Variants in ZNF681 observed in about 807,000 individuals in gnomAD.
The protein encoded by ZNF681 is zinc finger protein 681.
In ZNF681, 37 loss-of-function variants were observed where a neutral mutation model predicts 56.0. That is an observed-to-expected ratio of 0.66 (90% CI 0.51 to 0.87). The LOEUF is 0.87. ZNF681 is among the 40% of genes least tolerant of loss of function. ZNF681 has a pLI of 0.00. For synonymous variants in ZNF681, 225 were observed against 248.6 expected, an observed-to-expected ratio of 0.91 and a Z score of 0.89; for missense variants, 741 against 744.9, an observed-to-expected ratio of 0.99 and a Z score of 0.06.
chr19:23,753,464 AG>A (rs1333931215), intron 3 of ZNF681, among the ~76,000 whole-genome samples: 1 of 152,306 alleles, frequency 6.6e-6, no homozygotes, highest in African/African-American at 2.4e-5. Flanking sequence ...TCAAAGAGGT[AG>A]AAAATCTTTA....
chr19:23,752,456 A>G (rs1390380506), intron 3 of ZNF681, among the ~76,000 whole-genome samples: 1 of 152,126 alleles, frequency 6.6e-6, no homozygotes, highest in African/African-American at 2.4e-5. Flanking sequence ...ACCTGGAAAA[A>G]TCCTCTCTGA....
chr19:23,741,046 T>C lies in ZNF681; in HGVS notation c.*2566A>G, dbSNP rs1968868951. On this transcript the variant is annotated 3_prime_UTR_variant, in exon 4 of 4. Coordinates refer to ENST00000402377, the MANE Select transcript of ZNF681 (RefSeq NM_138286.3). ...CAATACAAAGCAGAGAGTATGGATT[T>C]GTTTTCAGCATTTTTAAGTTTTTTT... 6.6e-6 allele frequency: 1 copy of C among 152,140 alleles called. No individual in the cohort carries two copies. The highest frequency in any genetic ancestry group is 1.5e-5 in the Non-Finnish European group (1 of 68,030). The allele number at this position is 152,140 out of a possible 1,614,324, so 9.4% of individuals were successfully genotyped here. A position where few individuals can be genotyped will look rare whatever the true frequency, so the allele number is the denominator to read the frequency against.
intron 3 of ZNF681, among the ~76,000 whole-genome samples, chr19:23,751,976 T>C (rs1298175865): frequency 6.6e-6 from 1 of 152,168 alleles, no homozygotes; most frequent in Non-Finnish European, 1.5e-5. Flanking sequence ...CGTGAGCCAC[T>C]GCGCCCGGCC....
rs1968878560 is a variant in ZNF681 at position 23,741,881 on chromosome 19, C to T, written c.*1731G>A. The T allele has an allele frequency of 6.6e-6, 1 of 151,766 alleles. No individual in the cohort carries two copies. The highest frequency in any genetic ancestry group is 1.5e-5 in the Non-Finnish European group (1 of 67,958). 9.4% of individuals were successfully genotyped at this position (151,766 alleles called of 1,614,324 possible). A position where few individuals can be genotyped will look rare whatever the true frequency, so the allele number is the denominator to read the frequency against. ...CATATTTACACATACTATGTACCCA[C>T]AAAAATTAAGAAAAATAAGTTTAAA... On this transcript the variant is annotated 3_prime_UTR_variant, in exon 4 of 4. Coordinates refer to ENST00000402377, the MANE Select transcript of ZNF681 (RefSeq NM_138286.3).
chr19:23,756,121 C>G (rs978146080), intron 1 of ZNF681, among the ~76,000 whole-genome samples: 1 of 151,826 alleles, frequency 6.6e-6, no homozygotes, highest in Non-Finnish European at 1.5e-5. Flanking sequence ...GTCAGGAGAT[C>G]GAGACCATCC....
At chr19:23,748,230 G>A (rs996718752) in intron 3 of ZNF681, among the ~76,000 whole-genome samples, 7 of 152,126 alleles carry the variant, frequency 4.6e-5, no homozygotes, top group African/African-American at 1.7e-4. Flanking sequence ...AATTATATGT[G>A]ATAAGAGTTA....
intron 1 of ZNF681, among the ~76,000 whole-genome samples, chr19:23,756,327 C>CT (rs1555714105): frequency 6.7e-6 from 1 of 150,264 alleles, no homozygotes; most frequent in South Asian, 2.1e-4. Flanking sequence ...TCTGTCCCCC[C>CT]CCAAAAAAAG....
At position 23,743,666 on chromosome 19, in the gene ZNF681, T is replaced by A. The variant is rs534269901; in HGVS notation, c.1884A>T (p.Glu628Asp). The change falls in exon 4 of 4, where the codon GAA (glutamate) becomes GAT (aspartate). Residue 628 changes from glutamate to aspartate, a missense_variant. Physicochemically the swap from Glu to Asp is conservative, Grantham distance 45 (BLOSUM62 2). Transcript: ENST00000402377. ...YKPKRCNSDF[E>D]NTSKFSKHKR... ...TATGTTTAGAAAACTTTGAAGTGTT[T>A]TCAAAATCACTGTTACATCTTTTAG... 1 of 1,568,628 alleles carries A rather than the reference T, an allele frequency of 6.4e-7. No individual in the cohort carries two copies. The highest frequency in any genetic ancestry group is 2.3e-5 in the East Asian group (1 of 44,096).
At position 23,756,217 on chromosome 19, in the gene ZNF681, C is replaced by T. The variant is rs564851011; in HGVS notation, c.4-666G>A. ...GTGGGCACCTGTAGTCCCAACTACT[C>T]GGGAGGCTGAGGCAGGAGAATGGCG... On this transcript the variant is annotated intron_variant, in intron 1 of 3. Transcript: ENST00000402377. Among the ~76,000 whole-genome samples the T allele has an allele frequency of 2.7e-4, 41 of 151,640 alleles. 1 individual carries two copies. Among genetic ancestry groups the T allele is most frequent in the African/African-American group, 9.2e-4 (38 of 41,312 alleles).
intron 3 of ZNF681, among the ~76,000 whole-genome samples, chr19:23,747,802 G>A (rs1968967928): frequency 2.0e-5 from 3 of 151,934 alleles, no homozygotes; most frequent in African/African-American, 7.3e-5. Flanking sequence ...CAAAAACAAG[G>A]TGGTACTGAC....
In ZNF681 at chr19:23,743,934, C is replaced by A; in HGVS notation, c.1616G>T (p.Cys539Phe). Residue 539 changes from cysteine (C) to phenylalanine (F), a missense_variant, in exon 4 of 4, where the codon TGT (cysteine) becomes TTT (phenylalanine). Coordinates refer to ENST00000402377, the MANE Select transcript of ZNF681 (RefSeq NM_138286.3). ...TGEKPYTCEE[C>F]GKAFNHSSHL... ...TGAGGAATGGTTAAAGGCTTTGCCA[C>A]ATTCTTCACATGTGTAGGGTTTCTC... The A allele has an allele frequency of 6.2e-7, 1 of 1,607,168 alleles. No homozygotes were observed. Among genetic ancestry groups the A allele is most frequent in the South Asian group, 1.1e-5 (1 of 90,842 alleles).
chr19:23,751,507 C>T (rs1019277669), intron 3 of ZNF681, among the ~76,000 whole-genome samples: 32 of 149,562 alleles, frequency 2.1e-4, no homozygotes, highest in African/African-American at 5.9e-4. Flanking sequence ...AAAAAAAATT[C>T]TATTCTCTAG....
Position 23,740,611 on chromosome 19 carries a change from T to C in ZNF681, c.*3001A>G, listed in dbSNP as rs1968864142. 6.6e-6 allele frequency: 1 copy of C among 152,080 alleles called. No individual in the cohort carries two copies. The highest frequency in any genetic ancestry group is 1.5e-5 in the Non-Finnish European group (1 of 68,010). The allele number at this position is 152,080 out of a possible 1,614,324, so 9.4% of individuals were successfully genotyped here. On this transcript the variant is annotated 3_prime_UTR_variant, in exon 4 of 4. Transcript: ENST00000402377. ...CACTGTCATGTTTGTTTGCTATATT[T>C]ATATATAAAAACATCCTCATGATTT... is the stretch of plus-strand genomic sequence containing the variant.
At chr19:23,749,592 C>T (rs146104874) in intron 3 of ZNF681, among the ~76,000 whole-genome samples, 1 of 147,232 alleles carries the variant, frequency 6.8e-6, no homozygotes, top group Non-Finnish European at 1.5e-5. Flanking sequence ...CAGGTGCACA[C>T]AACCATGCCT....
At chr19:23,745,898 C>G (rs1381378445) in intron 3 of ZNF681, among the ~76,000 whole-genome samples, 2 of 152,144 alleles carry the variant, frequency 1.3e-5, no homozygotes, top group East Asian at 3.9e-4. Context: ...AAAATAAAAG[C>G]CTGTTACATT....
intron 3 of ZNF681, among the ~76,000 whole-genome samples, chr19:23,752,817 A>G (rs1969052718): frequency 6.6e-6 from 1 of 152,196 alleles, no homozygotes; most frequent in Non-Finnish European, 1.5e-5. Flanking sequence ...GTTTAAAGAC[A>G]CTAATACAAA....
chr19:23,746,041 G>A (rs1968939868), intron 3 of ZNF681, among the ~76,000 whole-genome samples: 2 of 152,054 alleles, frequency 1.3e-5, no homozygotes, highest in South Asian at 4.1e-4. Context: ...TTGGCAGGGT[G>A]CGGTGGCTCA....
chr19:23,750,238 T>C (rs944253461), intron 3 of ZNF681, among the ~76,000 whole-genome samples: 3 of 141,404 alleles, frequency 2.1e-5, no homozygotes, highest in African/African-American at 8.0e-5. Flanking sequence ...TAGCCAAGAT[T>C]GCGCCATTGC....
At chr19:23,754,597 G>T (rs541840654) in intron 3 of ZNF681, among the ~76,000 whole-genome samples, 93 of 152,260 alleles carry the variant, frequency 6.1e-4, no homozygotes, top group Non-Finnish European at 1.2e-3. Flanking sequence ...ACCTGGAGAT[G>T]GAGGTTGCAG....
Sources: gnomAD v4.1 joint callset for allele counts (sites outside exome capture counted in the v4.1 genomes callset) on GRCh38, gnomAD v4.1.1 for gene constraint, MANE v1.5 for transcripts, NCBI Gene and HGNC (gene_info 2026-07-23, HGNC 2026-07-21) for gene names.